Variants in PPM1H observed in about 807,000 individuals in gnomAD.
PPM1H encodes protein phosphatase 1H.
A neutral mutation model predicts 54.9 loss-of-function variants in PPM1H; 27 were observed. The ratio of observed to expected loss-of-function variants is 0.49; its 90% CI spans 0.36 to 0.68. PPM1H has a LOEUF of 0.68. PPM1H is among the 30% of genes least tolerant of loss of function. PPM1H has a pLI of 0.00. For synonymous variants in PPM1H, 305 were observed against 270.8 expected (o/e 1.13, Z -1.24); for missense variants, 596 against 667.8 (o/e 0.89, Z 1.19).
At chr12:62,770,173 T>C (rs2076570300) in intron 4 of PPM1H, among the ~76,000 whole-genome samples, 1 of 152,120 alleles carries the variant, frequency 6.6e-6, no homozygotes, top group African/African-American at 2.4e-5. Context: ...ATAATTATTA[T>C]GGTTATTGGT....
At chr12:62,746,826 C>A (rs1016771005) in intron 4 of PPM1H, among the ~76,000 whole-genome samples, 11 of 150,784 alleles carry the variant, frequency 7.3e-5, no homozygotes, top group African/African-American at 1.7e-4. Flanking sequence ...CTCATTCACA[C>A]CCCCCCACTT....
intron 2 of PPM1H, among the ~76,000 whole-genome samples, chr12:62,816,063 T>G (rs2076864566): frequency 6.6e-6 from 1 of 152,190 alleles, no homozygotes; most frequent in Non-Finnish European, 1.5e-5. Context: ...GTGTCAAATT[T>G]TATTGAAATT....
intron 4 of PPM1H, among the ~76,000 whole-genome samples, chr12:62,742,714 C>G (rs1029045244): frequency 3.3e-5 from 5 of 152,196 alleles, no homozygotes; most frequent in African/African-American, 1.2e-4. Flanking sequence ...GACCTTCCTT[C>G]TGGGGCCTCA....
At chr12:62,764,407 T>C (rs982098128) in intron 4 of PPM1H, among the ~76,000 whole-genome samples, 2 of 152,178 alleles carry the variant, frequency 1.3e-5, no homozygotes, top group African/African-American at 2.4e-5. Context: ...TCTCAAATGT[T>C]GAGTAACAGC....
intron 4 of PPM1H, among the ~76,000 whole-genome samples, chr12:62,774,121 A>T (rs913901267): frequency 6.6e-6 from 1 of 152,210 alleles, no homozygotes; most frequent in African/African-American, 2.4e-5. Flanking sequence ...ATGGTTCCCA[A>T]ATTTCAGAGC....
At chr12:62,714,725 T>C (rs945048653) in intron 6 of PPM1H, among the ~76,000 whole-genome samples, 10 of 152,160 alleles carry the variant, frequency 6.6e-5, no homozygotes, top group African/African-American at 2.4e-4. Flanking sequence ...GCATGTGATC[T>C]CAAGTTACCA....
intron 1 of PPM1H, among the ~76,000 whole-genome samples, chr12:62,915,211 ATT>A (rs1565827928): frequency 1.3e-5 from 2 of 152,250 alleles, no homozygotes; most frequent in Non-Finnish European, 1.5e-5. Flanking sequence ...TACTTGGATG[ATT>A]TTTAACTGCA....
At chr12:62,814,299 T>G (rs2076852781) in intron 2 of PPM1H, among the ~76,000 whole-genome samples, 1 of 152,122 alleles carries the variant, frequency 6.6e-6, no homozygotes, top group African/African-American at 2.4e-5. Context: ...CCCAAGCTAG[T>G]CTGGAACTCC....
chr12:62,700,005 T>C (rs1434168168), intron 6 of PPM1H, among the ~76,000 whole-genome samples: 2 of 152,062 alleles, frequency 1.3e-5, no homozygotes, highest in Non-Finnish European at 2.9e-5. Context: ...ACCCCATCCT[T>C]CTAGGCTGAG....
intron 4 of PPM1H, among the ~76,000 whole-genome samples, chr12:62,769,310 G>T (rs2076564172): frequency 6.6e-6 from 1 of 152,200 alleles, no homozygotes; most frequent in South Asian, 2.1e-4. Context: ...AGAAAAGGTG[G>T]TGTCCCTAAC....
Position 62,867,564 on chromosome 12 carries a change from A to ATTTTT in PPM1H, c.246-35290_246-35286dup, listed in dbSNP as rs34772338. On this transcript the variant is annotated intron_variant, in intron 1 of 9. Coordinates refer to ENST00000228705, the MANE Select transcript of PPM1H (RefSeq NM_020700.2). ...TCCTGAAATACATCTTATGAGCACT[A>ATTTTT]TTTTTTTTTTTTTTTTTTTTTTTTT... Among the ~76,000 whole-genome samples, 185 of 55,370 alleles carry ATTTTT rather than the reference A, an allele frequency of 3.3e-3. 29 individuals carry two copies. The highest frequency in any genetic ancestry group is 6.1e-3 in the Admixed American group (21 of 3,452). The allele number at this position is 55,370 out of a possible 152,430, so 36.3% of individuals were successfully genotyped here.
chr12:62,916,303 A>G (rs765495472), intron 1 of PPM1H, among the ~76,000 whole-genome samples: 2 of 152,192 alleles, frequency 1.3e-5, no homozygotes, highest in African/African-American at 2.4e-5. Context: ...AAATATGGGC[A>G]TTGTTGATCA....
intron 4 of PPM1H, among the ~76,000 whole-genome samples, chr12:62,742,188 C>T (rs891470133): frequency 6.6e-5 from 10 of 152,322 alleles, no homozygotes; most frequent in African/African-American, 2.4e-4. Flanking sequence ...ACTGCCAGGG[C>T]AAGCCTAGTT....
chr12:62,858,465 G>GT (rs2120960902), intron 1 of PPM1H, among the ~76,000 whole-genome samples: 1 of 117,536 alleles, frequency 8.5e-6, no homozygotes, highest in African/African-American at 3.5e-5. Context: ...TGTTGTTGTT[G>GT]TTTTTTTCAT....
At chr12:62,732,868 C>T (rs1048961453) in intron 5 of PPM1H, among the ~76,000 whole-genome samples, 3 of 152,084 alleles carry the variant, frequency 2.0e-5, no homozygotes, top group African/African-American at 7.2e-5. Flanking sequence ...ACCCTAAGAA[C>T]AAGGAATACA....
At chr12:62,867,388 T>C (rs1167952914) in intron 1 of PPM1H, among the ~76,000 whole-genome samples, 2 of 152,008 alleles carry the variant, frequency 1.3e-5, no homozygotes, top group Non-Finnish European at 2.9e-5. Context: ...CTTTCCCCTT[T>C]GATTGTTTTG....
intron 6 of PPM1H, among the ~76,000 whole-genome samples, chr12:62,699,882 G>A (rs1404653256): frequency 2.0e-5 from 3 of 152,186 alleles, no homozygotes; most frequent in African/African-American, 4.8e-5. Context: ...AATTGAGCCT[G>A]CCTTATTGAA....
At chr12:62,846,437 T>A (rs1592632491) in intron 1 of PPM1H, among the ~76,000 whole-genome samples, 1 of 151,282 alleles carries the variant, frequency 6.6e-6, no homozygotes, top group African/African-American at 2.4e-5. Flanking sequence ...GAGGCGGAGG[T>A]TGCAGTGAGC....
intron 8 of PPM1H, among the ~76,000 whole-genome samples, chr12:62,671,923 T>C (rs2075958866): frequency 6.6e-6 from 1 of 152,210 alleles, no homozygotes; most frequent in Non-Finnish European, 1.5e-5. Context: ...GATTTACCTA[T>C]ATGCTTTACT....
Sources: allele counts gnomAD v4.1 joint callset (sites outside exome capture counted in the v4.1 genomes callset), GRCh38; gene constraint gnomAD v4.1.1; transcripts MANE v1.5; gene names NCBI Gene and HGNC (gene_info 2026-07-23, HGNC 2026-07-21).